Variants in MAF observed in about 807,000 individuals in gnomAD.
MAF encodes the protein transcription factor Maf.
A neutral mutation model predicts 22.0 loss-of-function variants in MAF; 10 were observed. The ratio of observed to expected loss-of-function variants is 0.45; its 90% CI spans 0.28 to 0.77. The LOEUF (loss-of-function observed/expected upper bound fraction) is 0.77, where lower values mean the gene tolerates loss of function less well. MAF is among the 30% of genes least tolerant of loss of function. MAF has a pLI of 0.12. For synonymous variants in MAF, 337 were observed against 255.8 expected (o/e 1.32, Z -3.03); for missense variants, 544 against 548.4 (o/e 0.99, Z 0.08).
At chr16:79,280,177 T>G in the MAF span, among the ~76,000 whole-genome samples, 1 of 152,224 alleles carries the variant, frequency 6.6e-6, no homozygotes, top group Non-Finnish European at 1.5e-5. Context: ...CCAGAAAAGG[T>G]TAAGCCAGTT....
At chr16:79,420,959 G>A in the MAF span, among the ~76,000 whole-genome samples, 16 of 152,076 alleles carry the variant, frequency 1.1e-4, no homozygotes, top group Non-Finnish European at 1.9e-4. Context: ...GCTGGAACCC[G>A]GGAGGCGGAG....
chr16:79,389,104 G>A, the MAF span, among the ~76,000 whole-genome samples: 87 of 152,272 alleles, frequency 5.7e-4, no homozygotes, highest in African/African-American at 1.9e-3. Flanking sequence ...GCTGGACAGC[G>A]GGTGGCAAAC....
chr16:79,597,912 G>C (rs1344538681), intron 1 of MAF: 7 of 1,037,334 alleles, frequency 6.7e-6, no homozygotes, highest in Non-Finnish European at 8.1e-6. Context: ...ATGAGAATGA[G>C]TTTTTTTAAT....
chr16:79,551,883 C>A, the MAF span, among the ~76,000 whole-genome samples: 2 of 152,124 alleles, frequency 1.3e-5, no homozygotes, highest in Non-Finnish European at 2.9e-5. Flanking sequence ...TATCTGCTCT[C>A]TGGCCCTCTA....
At chr16:79,532,464 G>T in the MAF span, among the ~76,000 whole-genome samples, 1 of 152,206 alleles carries the variant, frequency 6.6e-6, no homozygotes, top group Non-Finnish European at 1.5e-5. Flanking sequence ...GTTTATCTCA[G>T]CTCCAATCAT....
chr16:79,243,577 G>C, the MAF span, among the ~76,000 whole-genome samples: 1 of 151,950 alleles, frequency 6.6e-6, no homozygotes, highest in Non-Finnish European at 1.5e-5. Flanking sequence ...GTAATTAATA[G>C]CCTACCAACG....
At chr16:79,204,301 C>G in the MAF span, 3 of 152,070 alleles carry the variant, frequency 2.0e-5, no homozygotes, top group Admixed American at 6.6e-5. Flanking sequence ...CCTCTCAGGT[C>G]CGGTCAGTTC....
At chr16:79,245,637 A>C in the MAF span, among the ~76,000 whole-genome samples, 1 of 152,074 alleles carries the variant, frequency 6.6e-6, no homozygotes, top group Non-Finnish European at 1.5e-5. Flanking sequence ...ACCATTGTGG[A>C]AGACAGTGTG....
the MAF span, among the ~76,000 whole-genome samples, chr16:79,463,305 G>C: frequency 6.6e-6 from 1 of 152,198 alleles, no homozygotes; most frequent in Non-Finnish European, 1.5e-5. Context: ...ATGGTTTTAA[G>C]TCACATAATG....
At chr16:79,597,158 A>G in intron 1 of MAF, 2 of 1,056,492 alleles carry the variant, frequency 1.9e-6, no homozygotes, top group Non-Finnish European at 2.3e-6. Context: ...ACCCCCCTTA[A>G]CATCACAATA....
the MAF span, among the ~76,000 whole-genome samples, chr16:79,535,200 C>G: frequency 6.6e-6 from 1 of 152,112 alleles, no homozygotes; most frequent in Non-Finnish European, 1.5e-5. Context: ...CGCTGAATTT[C>G]TATTGCAAGT....
chr16:79,500,446 G>A, the MAF span, among the ~76,000 whole-genome samples: 1 of 152,168 alleles, frequency 6.6e-6, no homozygotes, highest in Non-Finnish European at 1.5e-5. Context: ...ACCTCTGTCT[G>A]CAGAAGCGCA....
At chr16:79,564,737 C>A in the MAF span, among the ~76,000 whole-genome samples, 1 of 152,180 alleles carries the variant, frequency 6.6e-6, no homozygotes, top group African/African-American at 2.4e-5. Context: ...ATCCCCAGCC[C>A]TGTGGAGCAT....
At chr16:79,598,653 G>T (rs1237722488) in intron 1 of MAF, 132 bp downstream of exon 1, 4 of 1,503,502 alleles carry the variant, frequency 2.7e-6, no homozygotes, top group Non-Finnish European at 3.5e-6. Context: ...GGCCAAGGGG[G>T]CCAAACTCGG....
chr16:79,329,869 A>C, the MAF span, among the ~76,000 whole-genome samples: 3 of 152,138 alleles, frequency 2.0e-5, no homozygotes, highest in South Asian at 4.1e-4. Flanking sequence ...TTTCCTACTC[A>C]CTTCCTACAT....
chr16:79,457,658 G>A, the MAF span, among the ~76,000 whole-genome samples: 2 of 152,084 alleles, frequency 1.3e-5, no homozygotes, highest in East Asian at 1.9e-4. Flanking sequence ...AGAGACAGGG[G>A]TGAGGGGACT....
the MAF span, among the ~76,000 whole-genome samples, chr16:79,491,906 G>A: frequency 6.6e-6 from 1 of 152,168 alleles, no homozygotes; most frequent in East Asian, 1.9e-4. Context: ...CAGCCCCTCT[G>A]CCCAGCCAGG....
the MAF span, among the ~76,000 whole-genome samples, chr16:79,270,900 G>GTTTTT: frequency 6.9e-6 from 1 of 144,360 alleles, no homozygotes; most frequent in Non-Finnish European, 1.5e-5. Flanking sequence ...CATGGCCAGA[G>GTTTTT]TTTTTTTTTT....
the MAF span, among the ~76,000 whole-genome samples, chr16:79,407,849 T>C: frequency 6.6e-6 from 1 of 152,062 alleles, no homozygotes; most frequent in Non-Finnish European, 1.5e-5. Flanking sequence ...TCAATTCCTG[T>C]GCTGGTTGAT....
Sources: gnomAD v4.1 joint callset for allele counts (sites outside exome capture counted in the v4.1 genomes callset) on GRCh38, gnomAD v4.1.1 for gene constraint, MANE v1.5 for transcripts, NCBI Gene and HGNC (gene_info 2026-07-23, HGNC 2026-07-21) for gene names.